The following FNBP1 variants were observed in gnomAD, a reference collection of about 807,000 sequenced individuals.
FNBP1 encodes formin binding protein 1.
Under a neutral mutation model 90.6 loss-of-function variants are expected in FNBP1, and 26 were observed. The ratio of observed to expected loss-of-function variants is 0.29; its 90% CI spans 0.21 to 0.40. The LOEUF (loss-of-function observed/expected upper bound fraction) is 0.40, where lower values mean the gene tolerates loss of function less well. Among genes scored for constraint, FNBP1 ranks in the 10% least tolerant of loss-of-function variants. FNBP1 has a pLI of 1.00. For synonymous variants in FNBP1, 260 were observed against 265.2 expected, an observed-to-expected ratio of 0.98 and a Z score of 0.19; for missense variants, 635 against 768.0, an observed-to-expected ratio of 0.83 and a Z score of 2.05.
chr9:129,896,886 C>T (rs1564253141), intron 15 of FNBP1, among the ~76,000 whole-genome samples: 1 of 152,254 alleles, frequency 6.6e-6, no homozygotes, highest in African/African-American at 2.4e-5. Flanking sequence ...CCGCCTCGGC[C>T]TCCCAAAGCG....
At chr9:129,925,766 G>T (rs1179466770) in intron 8 of FNBP1, among the ~76,000 whole-genome samples, 2 of 150,500 alleles carry the variant, frequency 1.3e-5, no homozygotes, top group African/African-American at 4.9e-5. Context: ...GCTAATTTTT[G>T]TATTTTTAGT....
At chr9:129,981,366 G>A (rs926384196) in intron 2 of FNBP1, among the ~76,000 whole-genome samples, 3 of 152,118 alleles carry the variant, frequency 2.0e-5, no homozygotes, top group Non-Finnish European at 2.9e-5. Flanking sequence ...CACTGCACCC[G>A]GCCAAGAAAT....
intron 4 of FNBP1, among the ~76,000 whole-genome samples, chr9:129,977,579 C>A (rs2050532118): frequency 6.6e-6 from 1 of 151,712 alleles, no homozygotes; most frequent in Non-Finnish European, 1.5e-5. Flanking sequence ...GCAACCTCCA[C>A]CTCCTGGGTT....
chr9:129,961,758 G>T (rs1431600054), intron 4 of FNBP1, among the ~76,000 whole-genome samples: 3 of 151,946 alleles, frequency 2.0e-5, no homozygotes, highest in Admixed American at 2.0e-4. Context: ...CTAATTTTTT[G>T]TATTTTTAGT....
chr9:129,978,638 T>G (rs1367459643), intron 3 of FNBP1, 26 bp from the exon 4 acceptor site: 2 of 1,605,198 alleles, frequency 1.2e-6, no homozygotes, highest in Non-Finnish European at 1.7e-6. Context: ...CACGCCACTC[T>G]GTTTCACACA....
intron 6 of FNBP1, among the ~76,000 whole-genome samples, chr9:129,950,671 C>T (rs1372729445): frequency 2.0e-5 from 3 of 152,166 alleles, no homozygotes; most frequent in African/African-American, 4.8e-5. Context: ...AGGTAATGCC[C>T]GCTTCGGGAG....
At chr9:130,033,971 G>C (rs562343869) in intron 1 of FNBP1, among the ~76,000 whole-genome samples, 1 of 148,350 alleles carries the variant, frequency 6.7e-6, no homozygotes, top group Non-Finnish European at 1.5e-5. Context: ...AGCAGAGATT[G>C]CGCCACCGCA....
chr9:129,973,340 G>A (rs905898392), intron 4 of FNBP1, among the ~76,000 whole-genome samples: 2 of 152,166 alleles, frequency 1.3e-5, no homozygotes, highest in Admixed American at 1.3e-4. Flanking sequence ...AGACAGAAAT[G>A]ATAGCATTCC....
At position 129,890,587 on chromosome 9, in the gene FNBP1, G is replaced by A. The variant is rs749884485; in HGVS notation, c.1847-41C>T. 1 of 1,544,922 alleles carries A rather than the reference G, an allele frequency of 6.5e-7. No homozygotes were observed. Among genetic ancestry groups the A allele is most frequent in the African/African-American group, 1.4e-5 (1 of 72,976 alleles). On this transcript the variant is annotated intron_variant, in intron 16 of 16. Coordinates refer to ENST00000446176, the MANE Select transcript of FNBP1 (RefSeq NM_015033.3). This position sits in a 1 kb window ranked among gnomAD's most constrained non-coding sequence, Gnocchi z 5.8. Reference sequence around the variant, plus strand: ...AAACAGAAAGAGAAACTCTCTGTTAGAGAGGAAGGCGCGGGTTCCAGGCGG... The same window carrying A: ...AAACAGAAAGAGAAACTCTCTGTTAAAGAGGAAGGCGCGGGTTCCAGGCGG...
intron 4 of FNBP1, among the ~76,000 whole-genome samples, chr9:129,960,910 T>A (rs1439213993): frequency 6.6e-6 from 1 of 152,028 alleles, no homozygotes; most frequent in Non-Finnish European, 1.5e-5. Context: ...ACTCCGAGGT[T>A]GTCAGTCTGA....
At chr9:130,052,207 T>C in the FNBP1 span, among the ~76,000 whole-genome samples, 1 of 152,138 alleles carries the variant, frequency 6.6e-6, no homozygotes, top group Non-Finnish European at 1.5e-5. Flanking sequence ...AGCTTTCAAA[T>C]ATGTGAAAGA....
At chr9:129,944,109 C>T (rs752668595) in intron 6 of FNBP1, among the ~76,000 whole-genome samples, 14 of 151,914 alleles carry the variant, frequency 9.2e-5, no homozygotes, top group Non-Finnish European at 1.0e-4. Context: ...CTCTCCGTCT[C>T]ATGCTTCTCT....
intron 6 of FNBP1, among the ~76,000 whole-genome samples, chr9:129,932,347 T>C (rs2042897095): frequency 6.6e-6 from 1 of 152,176 alleles, no homozygotes; most frequent in South Asian, 2.1e-4. Context: ...TTTGTTCCAC[T>C]TTCTTCTTGA....
intron 1 of FNBP1, among the ~76,000 whole-genome samples, chr9:129,995,377 T>C (rs993666893): frequency 2.6e-5 from 4 of 152,186 alleles, no homozygotes; most frequent in Admixed American, 1.3e-4. Flanking sequence ...CGGGGGGAAG[T>C]GTTACAAAAT....
intron 4 of FNBP1, among the ~76,000 whole-genome samples, chr9:129,976,751 C>T (rs2050372883): frequency 6.6e-6 from 1 of 152,198 alleles, no homozygotes; most frequent in Non-Finnish European, 1.5e-5. Context: ...TCTACTCTTA[C>T]TTTGTGGCAA....
At position 129,923,781 on chromosome 9, in the gene FNBP1, TA is replaced by T; in HGVS notation, c.1170+62del. 2.8e-6 allele frequency: 4 copies of T among 1,452,504 alleles called. No individual in the cohort carries two copies. The South Asian group carries it at 5.6e-5, about 20-fold the overall frequency. 90.0% of individuals were successfully genotyped at this position (1,452,504 alleles called of 1,614,324 possible). ...GGATTCATTCACAAACAAAATTAGT[TA>T]TGCAGAACCAAACATGCAACCAAAG... On this transcript the variant is annotated intron_variant, in intron 10 of 16. Coordinates refer to ENST00000446176, the MANE Select transcript of FNBP1 (RefSeq NM_015033.3).
intron 1 of FNBP1, among the ~76,000 whole-genome samples, chr9:130,009,456 G>GT (rs1013495064): frequency 2.0e-5 from 3 of 152,098 alleles, no homozygotes; most frequent in African/African-American, 7.2e-5. Flanking sequence ...GAGGTCAGGA[G>GT]TTTGAGACCA....
At chr9:130,035,169 A>G (rs1020949203) in intron 1 of FNBP1, among the ~76,000 whole-genome samples, 10 of 152,174 alleles carry the variant, frequency 6.6e-5, no homozygotes, top group African/African-American at 1.7e-4. Flanking sequence ...GCCCAGCTGC[A>G]AGGACTGTGG....
chr9:130,008,244 G>A lies in FNBP1; in HGVS notation c.25-13286C>T, dbSNP rs1369713364. Among the ~76,000 whole-genome samples, 21 of 151,912 alleles carry A rather than the reference G, an allele frequency of 1.4e-4. 1 individual carries two copies. The highest frequency in any genetic ancestry group is 8.8e-5 in the Non-Finnish European group (6 of 67,994). On this transcript the variant is annotated intron_variant, in intron 1 of 16. Coordinates refer to ENST00000446176, the MANE Select transcript of FNBP1 (RefSeq NM_015033.3). ...TGCGCCTGTGGGTCCCACTACTTGGGAGGCTGAGGTGGGAGGATGACCTGG... is the reference window on the plus strand; with the variant it reads ...TGCGCCTGTGGGTCCCACTACTTGGAAGGCTGAGGTGGGAGGATGACCTGG...
Sources: allele counts gnomAD v4.1 joint callset (sites outside exome capture counted in the v4.1 genomes callset), GRCh38; gene constraint gnomAD v4.1.1; non-coding constraint Gnocchi (gnomAD v3.1); transcripts MANE v1.5; gene names NCBI Gene and HGNC (gene_info 2026-07-23, HGNC 2026-07-21).